The following PDE9A variants were observed in gnomAD, a reference collection of about 807,000 sequenced individuals.
PDE9A encodes phosphodiesterase 9A.
PDE9A carries 60 observed loss-of-function variants against 87.4 expected under a neutral mutation model. The observed-to-expected ratio is 0.69, with a 90% CI of 0.56 to 0.85. The LOEUF (loss-of-function observed/expected upper bound fraction) is 0.85. Among genes scored for constraint, PDE9A ranks in the 40% least tolerant of loss-of-function variants. The probability of loss-of-function intolerance (pLI) is 0.00; values close to 1 mark genes in which losing one functional copy is unlikely to be tolerated. For synonymous variants in PDE9A, 272 were observed against 279.4 expected (o/e 0.97, Z 0.27); for missense variants, 665 against 779.0 (o/e 0.85, Z 1.74).
Position 42,661,525 on chromosome 21 carries a change from A to G in PDE9A, c.69+7642A>G, listed in dbSNP as rs368038495. ...GTGCCTGGCCTCCTTCACTCGGATCATGCCCTCAGGTGCATCCATGTTGTA... is the reference window on the plus strand; with the variant it reads ...GTGCCTGGCCTCCTTCACTCGGATCGTGCCCTCAGGTGCATCCATGTTGTA... On this transcript the variant is annotated intron_variant, in intron 1 of 19. Transcript: ENST00000291539. 1.8e-4 allele frequency among the ~76,000 whole-genome samples: 27 copies of G among 151,952 alleles called. No homozygotes were observed. The East Asian group carries it at 3.7e-3, about 21-fold the overall frequency.
At chr21:42,765,943 G>A (rs1486561487) in intron 15 of PDE9A, among the ~76,000 whole-genome samples, 2 of 152,162 alleles carry the variant, frequency 1.3e-5, no homozygotes, top group East Asian at 3.9e-4. Context: ...CCAGGACAAG[G>A]TGGCCAGAGA....
chr21:42,698,805 G>A, intron 3 of PDE9A, 163 bp from the exon 4 acceptor site: 2 of 483,358 alleles, frequency 4.1e-6, no homozygotes, highest in South Asian at 4.2e-5. Context: ...ATCTGAGTAA[G>A]GAAGCTGAGA....
chr21:42,770,667 C>T (rs182328566), intron 17 of PDE9A, 36 bp from the exon 18 acceptor site: 14 of 1,522,078 alleles, frequency 9.2e-6, no homozygotes, highest in African/African-American at 2.7e-5. Flanking sequence ...GCCTTAAGAA[C>T]GAGGGACTCT....
intron 1 of PDE9A, among the ~76,000 whole-genome samples, chr21:42,668,991 C>T (rs949849233): frequency 7.3e-5 from 11 of 151,502 alleles, no homozygotes; most frequent in African/African-American, 2.7e-4. Context: ...TTAATGCCTC[C>T]TTCACCATCC....
chr21:42,669,277 TC>T (rs1037794301), intron 1 of PDE9A, among the ~76,000 whole-genome samples: 9 of 152,066 alleles, frequency 5.9e-5, no homozygotes, highest in Admixed American at 1.3e-4. Context: ...CCTTGCCTCT[TC>T]CAGCTGCTGG....
rs187528193 is a variant in PDE9A at position 42,724,470 on chromosome 21, C to T, written c.263-7300C>T. The T allele has an allele frequency of 1.5e-4, 45 of 299,096 alleles. No homozygotes were observed. The East Asian group carries it at 6.7e-3, about 45-fold the overall frequency. 18.5% of individuals were successfully genotyped at this position (299,096 alleles called of 1,614,324 possible). On this transcript the variant is annotated intron_variant, in intron 4 of 19. Coordinates refer to ENST00000291539, the MANE Select transcript of PDE9A (RefSeq NM_002606.3). ...GATTCTAGGGTCAGGAGAGGAGGCACCCACTTCCTGATCAGGGCTCTGTTT... is the reference window on the plus strand; with the variant it reads ...GATTCTAGGGTCAGGAGAGGAGGCATCCACTTCCTGATCAGGGCTCTGTTT...
At chr21:42,746,681 A>G (rs555541969) in intron 8 of PDE9A, among the ~76,000 whole-genome samples, 47 of 152,298 alleles carry the variant, frequency 3.1e-4, no homozygotes, top group Admixed American at 1.1e-3. Flanking sequence ...TTCAGCCCAT[A>G]ACACACCACG....
At chr21:42,755,512 G>A (rs906710039) in intron 10 of PDE9A, among the ~76,000 whole-genome samples, 2 of 152,248 alleles carry the variant, frequency 1.3e-5, no homozygotes, top group Non-Finnish European at 2.9e-5. Flanking sequence ...CTCTGAGAGT[G>A]CAGGACCGGG....
intron 13 of PDE9A, among the ~76,000 whole-genome samples, chr21:42,761,746 C>T (rs1239835459): frequency 6.6e-6 from 1 of 152,202 alleles, no homozygotes; most frequent in Non-Finnish European, 1.5e-5. Context: ...TCCCAGTGAA[C>T]CTCAGCCTCG....
At chr21:42,743,001 A>C (rs2053479044) in intron 7 of PDE9A, among the ~76,000 whole-genome samples, 1 of 152,238 alleles carries the variant, frequency 6.6e-6, no homozygotes, top group Admixed American at 6.5e-5. Flanking sequence ...GGCAAGAAGC[A>C]GGTCTGCTTT....
At chr21:42,762,945 G>A (rs771308295) in intron 14 of PDE9A, among the ~76,000 whole-genome samples, 5 of 152,182 alleles carry the variant, frequency 3.3e-5, no homozygotes, top group Admixed American at 1.3e-4. Flanking sequence ...CACCTGCCTC[G>A]ACCTCCCAAA....
intron 10 of PDE9A, 84 bp from the exon 11 acceptor site, chr21:42,758,915 C>T (rs954063141): frequency 2.0e-5 from 21 of 1,045,628 alleles, no homozygotes; most frequent in Middle Eastern, 4.6e-4. Context: ...GCTGGCACTC[C>T]GAGGACAGCA....
chr21:42,740,415 G>A (rs1389902136), intron 7 of PDE9A, among the ~76,000 whole-genome samples: 1 of 149,906 alleles, frequency 6.7e-6, no homozygotes, highest in East Asian at 2.0e-4. Flanking sequence ...CTGCACTCCA[G>A]CCTGGGTGAC....
intron 4 of PDE9A, among the ~76,000 whole-genome samples, chr21:42,714,016 ATTTTTTT>A (rs11403559): frequency 3.3e-5 from 3 of 90,430 alleles, no homozygotes; most frequent in Non-Finnish European, 6.2e-5. Context: ...TTTCATTCCA[ATTTTTTT>A]TTTTTTTTTT....
rs1006767641 is a variant in PDE9A at position 42,722,698 on chromosome 21, G to A, written c.263-9072G>A. ...CCATCAGCTCAGGTGCGTGGAGGAC[G>A]GAAGAACTGCTGTTGCTGCTAGTAT... On this transcript the variant is annotated intron_variant, in intron 4 of 19. Coordinates refer to ENST00000291539, the MANE Select transcript of PDE9A (RefSeq NM_002606.3). This position sits in a 1 kb window ranked among gnomAD's most constrained non-coding sequence, Gnocchi z 4.1. Among the ~76,000 whole-genome samples, 3 of 152,174 alleles carry A rather than the reference G, an allele frequency of 2.0e-5. No individual in the cohort carries two copies. Among genetic ancestry groups the A allele is most frequent in the African/African-American group, 7.2e-5 (3 of 41,440 alleles).
chr21:42,739,535 T>C lies in PDE9A; in HGVS notation c.569-4241T>C, dbSNP rs2052878685. On this transcript the variant is annotated intron_variant, in intron 7 of 19. Transcript: ENST00000291539. This position sits in a 1 kb window ranked among gnomAD's most constrained non-coding sequence, Gnocchi z 4.1. ...TTCATGGCATCTTGCTTTCTCTTCA[T>C]TGAGGAATGCACTTTTGCAATGTTG... 1.3e-5 allele frequency among the ~76,000 whole-genome samples: 2 copies of C among 152,240 alleles called. No homozygotes were observed. The highest frequency in any genetic ancestry group is 2.4e-5 in the African/African-American group (1 of 41,470).
At chr21:42,698,616 G>A (rs369662999) in intron 3 of PDE9A, among the ~76,000 whole-genome samples, 53 of 152,172 alleles carry the variant, frequency 3.5e-4, no homozygotes, top group African/African-American at 1.3e-3. Context: ...GCAAAAGAGA[G>A]GGAGGCCACC....
At chr21:42,772,591 G>A (rs1329102141) in intron 19 of PDE9A, 71 bp downstream of exon 19, 35 of 1,091,242 alleles carry the variant, frequency 3.2e-5, no homozygotes, top group Non-Finnish European at 4.5e-5. Flanking sequence ...AAGGAAAGAG[G>A]AAGGGGAGAA....
chr21:42,751,306 C>G (rs2054397280), intron 9 of PDE9A, 109 bp downstream of exon 9: 1 of 799,440 alleles, frequency 1.3e-6, no homozygotes, highest in South Asian at 1.4e-5. Flanking sequence ...ACATCAACCG[C>G]CCCTCCCAGC....
Sources: gnomAD v4.1 joint callset for allele counts (sites outside exome capture counted in the v4.1 genomes callset) on GRCh38, gnomAD v4.1.1 for gene constraint, Gnocchi (gnomAD v3.1) non-coding constraint, MANE v1.5 for transcripts, NCBI Gene and HGNC (gene_info 2026-07-23, HGNC 2026-07-21) for gene names.